PFDN2: variants seen among roughly 807,000 people sequenced by gnomAD.
PFDN2 encodes prefoldin 2.
PFDN2 carries 7 observed loss-of-function variants against 18.3 expected under a neutral mutation model. The observed-to-expected ratio is 0.38, with a 90% CI of 0.22 to 0.72. The LOEUF (loss-of-function observed/expected upper bound fraction) is 0.72. Ranked by LOEUF, PFDN2 falls within the 30% of genes least tolerant of loss-of-function variation. The pLI, the probability that PFDN2 is intolerant of heterozygous loss-of-function variation, is 0.47. For missense variants in PFDN2, 181 were observed against 199.1 expected, an observed-to-expected ratio of 0.91 and a Z score of 0.55; for synonymous variants, 76 against 75.0, an observed-to-expected ratio of 1.01 and a Z score of -0.07.
In PFDN2 at chr1:161,100,735, T is replaced by C. The variant is rs149807446; in HGVS notation, c.413A>G (p.Asn138Ser). The C allele has an allele frequency of 1.3e-4, 217 of 1,613,956 alleles. No homozygotes were observed. Among genetic ancestry groups the C allele is most frequent in the Non-Finnish European group, 1.8e-4 (212 of 1,179,990 alleles). Residue 138 changes from asparagine to serine, a missense_variant, in exon 4 of 4, where the codon AAC becomes AGC. By Grantham distance (46) the Asn-to-Ser change is conservative. Transcript: ENST00000368010. ...GEDEKPAAKE[N>S]SEGAGAKASS... ...GGCCTTAGCCCCAGCCCCTTCTGAG[T>C]TTTCCTTGGCTGCTGGCTTCTCATC...
intron 1 of PFDN2, among the ~76,000 whole-genome samples, chr1:161,103,232 A>G (rs1164362002): frequency 1.3e-5 from 2 of 152,144 alleles, no homozygotes; most frequent in Non-Finnish European, 1.5e-5. Flanking sequence ...AGACAGCTGG[A>G]GTTAAGATTC....
At chr1:161,115,199 G>C (rs1012934242) in intron 1 of PFDN2, among the ~76,000 whole-genome samples, 2 of 152,102 alleles carry the variant, frequency 1.3e-5, no homozygotes, top group Non-Finnish European at 2.9e-5. Context: ...GGGTAGCTAG[G>C]ATTACAGGTG....
chr1:161,118,003 G>C lies in PFDN2; in HGVS notation c.24C>G (p.Ala8=), dbSNP rs146025814. The C allele has an allele frequency of 3.1e-6, 5 of 1,612,374 alleles. No homozygotes were observed. Among genetic ancestry groups the C allele is most frequent in the Non-Finnish European group, 4.2e-6 (5 of 1,179,508 alleles). ...CCGCGCCGCTCCCGCTGCTCTTGCC[G>C]GCGCGACCGCTGTTCTCCGCCATCT... MAENSGR[A]GKSSGSGAGK... The change falls in exon 1 of 4, where the codon GCC becomes GCG. Residue 8 remains alanine, a synonymous_variant. Coordinates refer to ENST00000368010, the MANE Select transcript of PFDN2 (RefSeq NM_012394.4).
intron 1 of PFDN2, among the ~76,000 whole-genome samples, chr1:161,112,966 A>T (rs1203924814): frequency 6.6e-6 from 1 of 151,304 alleles, no homozygotes; most frequent in African/African-American, 2.4e-5. Context: ...AGGAGGGGGG[A>T]AAAAATCTCT....
At chr1:161,117,188 C>G (rs1447883486) in intron 1 of PFDN2, among the ~76,000 whole-genome samples, 1 of 152,074 alleles carries the variant, frequency 6.6e-6, no homozygotes, top group Non-Finnish European at 1.5e-5. Flanking sequence ...AAGGCGAGAT[C>G]GCGCCACTGC....
rs560947600 is a variant in PFDN2 at position 161,110,775 on chromosome 1, T to C, written c.75+7177A>G. ...CTGTCAAAGAAAACTTCTTTGACCT[T>C]ATTACTCCATCAAATAATAGTACTC... On this transcript the variant is annotated intron_variant, in intron 1 of 3. Transcript: ENST00000368010. Among the ~76,000 whole-genome samples, 14 of 152,156 alleles carry C rather than the reference T, an allele frequency of 9.2e-5. No individual in the cohort carries two copies. In the East Asian group the frequency reaches 9.7e-4, roughly 11 times the overall value.
chr1:161,111,342 T>C (rs1311076332), intron 1 of PFDN2, among the ~76,000 whole-genome samples: 2 of 152,236 alleles, frequency 1.3e-5, no homozygotes, highest in Non-Finnish European at 2.9e-5. Flanking sequence ...TAACTTTCCT[T>C]GTTTCCTCAT....
chr1:161,103,941 T>C (rs1029576135), intron 1 of PFDN2, among the ~76,000 whole-genome samples: 2 of 152,070 alleles, frequency 1.3e-5, no homozygotes, highest in African/African-American at 4.8e-5. Flanking sequence ...AACCCTGTGG[T>C]TCTTAACCAT....
intron 1 of PFDN2, among the ~76,000 whole-genome samples, chr1:161,113,249 TC>T (rs1447600824): frequency 6.6e-6 from 1 of 152,192 alleles, no homozygotes; most frequent in Middle Eastern, 3.2e-3. Flanking sequence ...TTCCCTACTT[TC>T]TATTCCCACT....
chr1:161,100,831 T>A lies in PFDN2; in HGVS notation c.317A>T (p.Gln106Leu). ...TTCTTTTCCCTTTGCCTGAAGCTGCTGTGTCAGTGTCTCAATGATCTTCTG... is the reference window on the plus strand; with the variant it reads ...TTCTTTTCCCTTTGCCTGAAGCTGCAGTGTCAGTGTCTCAATGATCTTCTG... ...QIQKIIETLT[Q>L]QLQAKGKELN... The change falls in exon 4 of 4, where the codon CAG becomes CTG. Residue 106 changes from glutamine (Q) to leucine (L), a missense_variant. Gln to Leu is a moderately radical substitution (Grantham distance 113). Coordinates refer to ENST00000368010, the MANE Select transcript of PFDN2 (RefSeq NM_012394.4). 2 of 1,613,890 alleles carry A rather than the reference T, an allele frequency of 1.2e-6. No homozygotes were observed. Among genetic ancestry groups the A allele is most frequent in the Non-Finnish European group, 1.7e-6 (2 of 1,179,768 alleles).
At chr1:161,102,252 C>T (rs1654583485) in intron 2 of PFDN2, 35 bp downstream of exon 2, 3 of 1,611,030 alleles carry the variant, frequency 1.9e-6, no homozygotes, top group Admixed American at 1.7e-5. Flanking sequence ...GCCCACACAA[C>T]TGTCCTACTG....
At chr1:161,110,085 C>T (rs960073637) in intron 1 of PFDN2, among the ~76,000 whole-genome samples, 1 of 147,322 alleles carries the variant, frequency 6.8e-6, no homozygotes, top group South Asian at 2.2e-4. Flanking sequence ...GTGGGATGGG[C>T]GCAGTAGCTC....
chr1:161,118,027 C>A lies in PFDN2; in HGVS notation c.-1G>T. ...CGGCGCGACCGCTGTTCTCCGCCATCTTCGCCGCCTGCTGGGTTTCCGGCC... is the reference window on the plus strand; with the variant it reads ...CGGCGCGACCGCTGTTCTCCGCCATATTCGCCGCCTGCTGGGTTTCCGGCC... On this transcript the variant is annotated 5_prime_UTR_variant, in exon 1 of 4. Coordinates refer to ENST00000368010, the MANE Select transcript of PFDN2 (RefSeq NM_012394.4). The A allele has an allele frequency of 1.2e-6, 2 of 1,611,370 alleles. No individual in the cohort carries two copies. Among genetic ancestry groups the A allele is most frequent in the South Asian group, 1.1e-5 (1 of 90,934 alleles).
chr1:161,107,335 G>C (rs533850813), intron 1 of PFDN2, among the ~76,000 whole-genome samples: 2 of 145,126 alleles, frequency 1.4e-5, no homozygotes, highest in East Asian at 2.1e-4. Flanking sequence ...TGAGGCAGGA[G>C]AACTGCTTGA....
At chr1:161,117,680 T>G (rs557754081) in intron 1 of PFDN2, among the ~76,000 whole-genome samples, 1 of 152,088 alleles carries the variant, frequency 6.6e-6, no homozygotes, top group Non-Finnish European at 1.5e-5. Flanking sequence ...GCAAACCATC[T>G]CCCCTCAGAC....
intron 3 of PFDN2, 109 bp from the exon 4 acceptor site, chr1:161,100,968 C>G: frequency 1.4e-6 from 1 of 719,654 alleles, no homozygotes; most frequent in South Asian, 2.0e-5. Context: ...TACCTTTAAC[C>G]AAGTAGAGGA....
At chr1:161,112,943 C>T (rs538294274) in intron 1 of PFDN2, among the ~76,000 whole-genome samples, 29 of 147,600 alleles carry the variant, frequency 2.0e-4, no homozygotes, top group South Asian at 4.4e-4. Flanking sequence ...CACATATATA[C>T]ACAAAAAGAC....
In PFDN2 at chr1:161,117,942, C is replaced by T; in HGVS notation, c.75+10G>A. ...GGTGGGTACCCTGCTTCGCGTTAGC[C>T]ACTCCTCACCTGCTCTGCGGACACC... is the stretch of plus-strand genomic sequence containing the variant. On this transcript the variant is annotated intron_variant, in intron 1 of 3. Transcript: ENST00000368010. 1 of 1,605,840 alleles carries T rather than the reference C, an allele frequency of 6.2e-7. No homozygotes were observed. Among genetic ancestry groups the T allele is most frequent in the Non-Finnish European group, 8.5e-7 (1 of 1,175,638 alleles).
chr1:161,100,664 A>C lies in PFDN2; in HGVS notation c.*19T>G, dbSNP rs542900208. The C allele has an allele frequency of 6.6e-7, 1 of 1,516,832 alleles. No individual in the cohort carries two copies. Among genetic ancestry groups the C allele is most frequent in the East Asian group, 2.3e-5 (1 of 43,710 alleles). The allele number at this position is 1,516,832 out of a possible 1,614,324, so 94.0% of individuals were successfully genotyped here. ...AGAAGTGGGAGTCAGGGTAGAAAAA[A>C]ATGCAAAGGCCTTGGTCCCTAGGAG... On this transcript the variant is annotated 3_prime_UTR_variant, in exon 4 of 4. Transcript: ENST00000368010.
Sources: allele counts gnomAD v4.1 joint callset (sites outside exome capture counted in the v4.1 genomes callset), GRCh38; gene constraint gnomAD v4.1.1; transcripts MANE v1.5; gene names NCBI Gene and HGNC (gene_info 2026-07-23, HGNC 2026-07-21).